Variants in SPATS2L observed in about 807,000 individuals in gnomAD.
SPATS2L encodes the protein spermatogenesis associated serine rich 2 like, also known as SPATS2-like protein.
Under a neutral mutation model 59.6 loss-of-function variants are expected in SPATS2L, and 30 were observed. That is an observed-to-expected ratio of 0.50 (90% CI 0.38 to 0.68). The LOEUF (loss-of-function observed/expected upper bound fraction) is 0.68. Ranked by LOEUF, SPATS2L falls within the 30% of genes least tolerant of loss-of-function variation. The pLI is 0.00. For synonymous variants in SPATS2L, 252 were observed against 263.5 expected, an observed-to-expected ratio of 0.96 and a Z score of 0.42; for missense variants, 615 against 700.0, an observed-to-expected ratio of 0.88 and a Z score of 1.37.
chr2:200,351,975 C>G (rs371638738), intron 2 of SPATS2L, among the ~76,000 whole-genome samples: 2 of 152,084 alleles, frequency 1.3e-5, no homozygotes, highest in African/African-American at 4.8e-5. Context: ...TGCTATATCT[C>G]TTTTCCAGTC....
At chr2:200,383,430 G>A (rs1358517187) in intron 2 of SPATS2L, among the ~76,000 whole-genome samples, 4 of 151,998 alleles carry the variant, frequency 2.6e-5, no homozygotes, top group Non-Finnish European at 4.4e-5. Flanking sequence ...TTTGAAACTC[G>A]GCCTCTATTA....
At chr2:200,313,846 A>G (rs1559031441) in intron 1 of SPATS2L, among the ~76,000 whole-genome samples, 1 of 152,020 alleles carries the variant, frequency 6.6e-6, no homozygotes, top group Non-Finnish European at 1.5e-5. Flanking sequence ...TTTGCACAAC[A>G]TTTGGTGTTC....
rs190779078 is a variant in SPATS2L, at chr2:200,431,233, G to A, written c.446-7889G>A. ...TTTTAAAACTGATTGGTAGAGGGAT[G>A]GAACTTTTTAAGAAGTTTCTTTTCC... On this transcript the variant is annotated intron_variant, in intron 6 of 12. Transcript: ENST00000409140. Among the ~76,000 whole-genome samples, 16 of 152,194 alleles carry A rather than the reference G, an allele frequency of 1.1e-4. No individual in the cohort carries two copies. In the East Asian group the frequency reaches 2.9e-3, roughly 28 times the overall value.
intron 4 of SPATS2L, among the ~76,000 whole-genome samples, chr2:200,413,795 G>C (rs531018471): frequency 6.6e-6 from 1 of 152,162 alleles, no homozygotes; most frequent in Non-Finnish European, 1.5e-5. Context: ...AATTGAATTA[G>C]CAAATGATTA....
Position 200,479,268 on chromosome 2 carries a change from T to C in SPATS2L, c.*1237T>C, listed in dbSNP as rs1052048469. 1 of 301,532 alleles carries C rather than the reference T, an allele frequency of 3.3e-6. No homozygotes were observed. The allele number at this position is 301,532 out of a possible 1,614,324, so 18.7% of individuals were successfully genotyped here. Reference sequence around the variant, plus strand: ...TGGGTTGACATTGCATTCAGAATTGTGGCAAAGGGCCACCATGCTCTTAAG... The same window carrying C: ...TGGGTTGACATTGCATTCAGAATTGCGGCAAAGGGCCACCATGCTCTTAAG... On this transcript the variant is annotated 3_prime_UTR_variant, in exon 13 of 13. Coordinates refer to ENST00000409140, the MANE Select transcript of SPATS2L (RefSeq NM_001100423.2).
intron 4 of SPATS2L, among the ~76,000 whole-genome samples, chr2:200,415,682 T>C (rs956987448): frequency 1.3e-5 from 2 of 152,006 alleles, no homozygotes; most frequent in Non-Finnish European, 2.9e-5. Context: ...ATTTAATTTA[T>C]ATATAATTTA....
At chr2:200,406,409 TA>T (rs61166425) in intron 3 of SPATS2L, among the ~76,000 whole-genome samples, 3,157 of 131,140 alleles carry the variant, frequency 0.024, 71 homozygotes, top group African/African-American at 0.062. Flanking sequence ...AGCACAAGTT[TA>T]AAAAAAAAAA....
chr2:200,307,603 G>A (rs1198217938), intron 1 of SPATS2L, among the ~76,000 whole-genome samples: 1 of 152,220 alleles, frequency 6.6e-6, no homozygotes, highest in Non-Finnish European at 1.5e-5. Flanking sequence ...GCGGGCTGCG[G>A]ACCCCAGCGG....
intron 10 of SPATS2L, among the ~76,000 whole-genome samples, chr2:200,469,126 G>A (rs955951887): frequency 2.6e-5 from 4 of 152,180 alleles, no homozygotes; most frequent in Non-Finnish European, 5.9e-5. Flanking sequence ...GAGATTATCT[G>A]CTAAGAATTT....
At chr2:200,382,517 G>T (rs780565865) in intron 2 of SPATS2L, among the ~76,000 whole-genome samples, 28 of 152,206 alleles carry the variant, frequency 1.8e-4, no homozygotes, top group Non-Finnish European at 3.4e-4. Flanking sequence ...AGGTCCCGTG[G>T]AACGGTTTTA....
rs550606467 is a variant in SPATS2L, at chr2:200,425,788, G to A, written c.445+6292G>A. On this transcript the variant is annotated intron_variant, in intron 6 of 12. Coordinates refer to ENST00000409140, the MANE Select transcript of SPATS2L (RefSeq NM_001100423.2). Reference sequence around the variant, plus strand: ...TCTTTGGGGTCGCGGGGGATGGGGAGAAGAGGTAGATAATAAACCAGAATA... The same window carrying A: ...TCTTTGGGGTCGCGGGGGATGGGGAAAAGAGGTAGATAATAAACCAGAATA... 1.1e-4 allele frequency among the ~76,000 whole-genome samples: 16 copies of A among 152,306 alleles called. No homozygotes were observed. In the East Asian group the frequency reaches 2.9e-3, roughly 28 times the overall value.
intron 1 of SPATS2L, among the ~76,000 whole-genome samples, chr2:200,321,296 A>G (rs752057506): frequency 6.6e-6 from 1 of 152,294 alleles, no homozygotes; most frequent in African/African-American, 2.4e-5. Flanking sequence ...CTGGCTATAC[A>G]ACTTACGTAG....
intron 2 of SPATS2L, among the ~76,000 whole-genome samples, chr2:200,350,999 C>T (rs2080709358): frequency 6.6e-6 from 1 of 152,066 alleles, no homozygotes; most frequent in Admixed American, 6.6e-5. Flanking sequence ...AAGATCACAC[C>T]ATATGTTCAG....
intron 1 of SPATS2L, among the ~76,000 whole-genome samples, chr2:200,321,863 ATGACAG>A (rs2079569529): frequency 6.6e-6 from 1 of 152,154 alleles, no homozygotes; most frequent in Non-Finnish European, 1.5e-5. Context: ...CATTTTTCAG[ATGACAG>A]AGCTCTGAGG....
At chr2:200,435,940 T>A (rs1405002553) in intron 6 of SPATS2L, among the ~76,000 whole-genome samples, 1 of 152,208 alleles carries the variant, frequency 6.6e-6, no homozygotes, top group African/African-American at 2.4e-5. Flanking sequence ...CAATCTTTTT[T>A]AAATTATTAA....
At chr2:200,450,451 A>C (rs2085359785) in intron 8 of SPATS2L, among the ~76,000 whole-genome samples, 1 of 152,216 alleles carries the variant, frequency 6.6e-6, no homozygotes, top group African/African-American at 2.4e-5. Context: ...GCAAAGGGAC[A>C]CCCACTTCTG....
chr2:200,384,512 C>T (rs1167236504), intron 2 of SPATS2L, among the ~76,000 whole-genome samples: 1 of 152,192 alleles, frequency 6.6e-6, no homozygotes, highest in Non-Finnish European at 1.5e-5. Flanking sequence ...TGCCGCCATG[C>T]CGGCTAATTT....
chr2:200,389,596 G>A, intron 3 of SPATS2L: 1 of 264,326 alleles, frequency 3.8e-6, no homozygotes, highest in Non-Finnish European at 7.3e-6. Context: ...AACGTAGCTG[G>A]TAAACAGCAG....
Position 200,456,950 on chromosome 2 carries a change from C to T in SPATS2L, c.789-2819C>T, listed in dbSNP as rs373925372. Reference sequence around the variant, plus strand: ...TCACTATTTCCCCAATGAGTCCTGGCAGGTCCTCTCACATCCTTCTCAGCT... The same window carrying T: ...TCACTATTTCCCCAATGAGTCCTGGTAGGTCCTCTCACATCCTTCTCAGCT... On this transcript the variant is annotated intron_variant, in intron 8 of 12. Coordinates refer to ENST00000409140, the MANE Select transcript of SPATS2L (RefSeq NM_001100423.2). 4.5e-4 allele frequency among the ~76,000 whole-genome samples: 68 copies of T among 152,120 alleles called. 1 individual carries two copies. Among genetic ancestry groups the T allele is most frequent in the African/African-American group, 1.4e-3 (60 of 41,420 alleles).
Sources: allele counts gnomAD v4.1 joint callset (sites outside exome capture counted in the v4.1 genomes callset), GRCh38; gene constraint gnomAD v4.1.1; transcripts MANE v1.5; gene names NCBI Gene and HGNC (gene_info 2026-07-23, HGNC 2026-07-21).